MAN1A1: variants seen among roughly 807,000 people sequenced by gnomAD.
The protein encoded by MAN1A1 is mannosyl-oligosaccharide 1,2-alpha-mannosidase IA.
Under a neutral mutation model 70.8 loss-of-function variants are expected in MAN1A1, and 29 were observed. The observed-to-expected ratio is 0.41, with a 90% CI of 0.31 to 0.56. The LOEUF is 0.56. MAN1A1 is among the 20% of genes least tolerant of loss of function. MAN1A1 has a pLI of 0.29. For missense variants in MAN1A1, 747 were observed against 841.3 expected (o/e 0.89, Z 1.39); for synonymous variants, 349 against 330.1 (o/e 1.06, Z -0.62).
chr6:119,261,169 C>G (rs938812256), intron 5 of MAN1A1, among the ~76,000 whole-genome samples: 5 of 151,620 alleles, frequency 3.3e-5, no homozygotes, highest in African/African-American at 1.2e-4. Context: ...TTAGTAGAGA[C>G]GGGGTTTCAC....
intron 6 of MAN1A1, among the ~76,000 whole-genome samples, chr6:119,209,674 G>C (rs895705231): frequency 6.6e-5 from 10 of 152,148 alleles, no homozygotes; most frequent in Non-Finnish European, 1.3e-4. Flanking sequence ...TTTAGATAAA[G>C]CAATTTGAGC....
intron 5 of MAN1A1, among the ~76,000 whole-genome samples, chr6:119,253,636 T>C (rs557954647): frequency 6.6e-6 from 1 of 152,334 alleles, no homozygotes; most frequent in East Asian, 1.9e-4. Flanking sequence ...ACAAACTTAT[T>C]TCTTGTTGGC....
At chr6:119,243,973 T>TA (rs1422900958) in intron 6 of MAN1A1, among the ~76,000 whole-genome samples, 14 of 152,166 alleles carry the variant, frequency 9.2e-5, no homozygotes. Context: ...AGAGAAGTGA[T>TA]AAAATAGTGT....
chr6:119,347,555 A>G (rs1034019031), intron 2 of MAN1A1, among the ~76,000 whole-genome samples: 2 of 152,136 alleles, frequency 1.3e-5, no homozygotes, highest in African/African-American at 4.8e-5. Context: ...ATGTCCACAG[A>G]CCGCGTGGTG....
chr6:119,345,130 T>C (rs1773692222), intron 2 of MAN1A1, among the ~76,000 whole-genome samples: 1 of 149,728 alleles, frequency 6.7e-6, no homozygotes, highest in Non-Finnish European at 1.5e-5. Context: ...ATCCTCCAAA[T>C]TGGATTAAGG....
At chr6:119,342,075 T>C (rs1479231528) in intron 2 of MAN1A1, among the ~76,000 whole-genome samples, 1 of 152,258 alleles carries the variant, frequency 6.6e-6, no homozygotes, top group Non-Finnish European at 1.5e-5. Context: ...GACAAATTAA[T>C]TCTTTAACAT....
chr6:119,179,816 T>A lies in MAN1A1; in HGVS notation c.*3A>T, dbSNP rs1773098682. 6.2e-7 allele frequency: 1 copy of A among 1,610,138 alleles called. No homozygotes were observed. Among genetic ancestry groups the A allele is most frequent in the Non-Finnish European group, 8.5e-7 (1 of 1,176,738 alleles). On this transcript the variant is annotated 3_prime_UTR_variant, in exon 13 of 13. Transcript: ENST00000368468. ...GGAGCAGAATAAAATATAAAATGTCTTTTTATTCCTCTCTGATTTCAACTT... is the reference window on the plus strand; with the variant it reads ...GGAGCAGAATAAAATATAAAATGTCATTTTATTCCTCTCTGATTTCAACTT...
chr6:119,260,152 CTG>C (rs1194500782), intron 5 of MAN1A1, among the ~76,000 whole-genome samples: 3 of 152,166 alleles, frequency 2.0e-5, no homozygotes, highest in Non-Finnish European at 4.4e-5. Context: ...GTCACATACT[CTG>C]TCTCACGTTT....
At chr6:119,271,976 T>A (rs1030598415) in intron 5 of MAN1A1, among the ~76,000 whole-genome samples, 6 of 152,072 alleles carry the variant, frequency 3.9e-5, no homozygotes, top group Admixed American at 1.3e-4. Context: ...AGTCTTAGGG[T>A]GACAAGGAAG....
At chr6:119,232,522 C>G (rs1328831854) in intron 6 of MAN1A1, among the ~76,000 whole-genome samples, 1 of 152,044 alleles carries the variant, frequency 6.6e-6, no homozygotes, top group Non-Finnish European at 1.5e-5. Flanking sequence ...TGCCTTTGCC[C>G]TGAGTATTGG....
At chr6:119,214,140 A>T (rs1162090610) in intron 6 of MAN1A1, among the ~76,000 whole-genome samples, 1 of 151,978 alleles carries the variant, frequency 6.6e-6, no homozygotes, top group Non-Finnish European at 1.5e-5. Context: ...TAATTTTTGT[A>T]TTTTTAGTAG....
intron 2 of MAN1A1, among the ~76,000 whole-genome samples, chr6:119,312,012 G>A (rs1449535967): frequency 2.0e-5 from 3 of 152,144 alleles, no homozygotes; most frequent in Non-Finnish European, 4.4e-5. Context: ...AAATAACCTA[G>A]AGACCAACAG....
In MAN1A1 at chr6:119,348,754, G is replaced by A. The variant is rs1341053287; in HGVS notation, c.312C>T (p.Arg104=). Residue 104 remains arginine (R), a synonymous_variant, in exon 2 of 13, where the codon CGC becomes CGT. Coordinates refer to ENST00000368468, the MANE Select transcript of MAN1A1 (RefSeq NM_005907.4). ...GGTCCCCGGGTGCCCCCTCCTCGCG[G>A]CGCCGGGCTCGCCCCTCGGCCGCGT... ...AEDAAEGRAR[R]REEGAPGDPE... The A allele has an allele frequency of 4.5e-6, 7 of 1,556,444 alleles. No individual in the cohort carries two copies. The East Asian group carries it at 1.0e-4, about 23-fold the overall frequency.
chr6:119,235,017 G>A (rs967303182), intron 6 of MAN1A1, among the ~76,000 whole-genome samples: 1 of 152,120 alleles, frequency 6.6e-6, no homozygotes, highest in Non-Finnish European at 1.5e-5. Flanking sequence ...CACCAACCAC[G>A]TCCACATAAA....
At chr6:119,302,157 G>C in intron 3 of MAN1A1, 54 bp from the exon 4 acceptor site, 1 of 826,036 alleles carries the variant, frequency 1.2e-6, no homozygotes, top group Non-Finnish European at 2.0e-6. Context: ...TAAAATATAT[G>C]TAAATTGACC....
At chr6:119,299,290 C>T (rs1014080253) in intron 4 of MAN1A1, among the ~76,000 whole-genome samples, 1 of 151,860 alleles carries the variant, frequency 6.6e-6, no homozygotes, top group African/African-American at 2.4e-5. Flanking sequence ...ATATGGGAAA[C>T]ATTATTGTTT....
At chr6:119,190,925 G>A (rs1773423717) in intron 9 of MAN1A1, among the ~76,000 whole-genome samples, 1 of 152,154 alleles carries the variant, frequency 6.6e-6, no homozygotes. Context: ...AAAAGGACAT[G>A]ACTGTGTCTA....
intron 3 of MAN1A1, among the ~76,000 whole-genome samples, 187 bp from the exon 4 acceptor site, chr6:119,302,290 G>A (rs556912080): frequency 3.3e-5 from 5 of 151,970 alleles, no homozygotes; most frequent in East Asian, 3.9e-4. Flanking sequence ...ACGGGCTATC[G>A]ACTGATATAC....
chr6:119,218,142 C>G (rs2114964943), intron 6 of MAN1A1, among the ~76,000 whole-genome samples: 1 of 152,216 alleles, frequency 6.6e-6, no homozygotes, highest in East Asian at 1.9e-4. Context: ...TGCCTTTTAT[C>G]CGTCCTATGT....
Sources: allele counts gnomAD v4.1 joint callset (sites outside exome capture counted in the v4.1 genomes callset), GRCh38; gene constraint gnomAD v4.1.1; transcripts MANE v1.5; gene names NCBI Gene and HGNC (gene_info 2026-07-23, HGNC 2026-07-21).